The following GALNT18 variants were observed in gnomAD, a reference collection of about 807,000 sequenced individuals.
GALNT18 encodes GalNAc-transferase 18.
A neutral mutation model predicts 69.5 loss-of-function variants in GALNT18; 44 were observed. The ratio of observed to expected loss-of-function variants is 0.63; its 90% CI spans 0.50 to 0.81. The LOEUF is 0.81. GALNT18 is among the 40% of genes least tolerant of loss of function. The pLI is 0.00. For missense variants in GALNT18, 715 were observed against 810.0 expected, an observed-to-expected ratio of 0.88 and a Z score of 1.42; for synonymous variants, 364 against 318.2, an observed-to-expected ratio of 1.14 and a Z score of -1.53.
intron 7 of GALNT18, among the ~76,000 whole-genome samples, chr11:11,333,559 G>A (rs1397546011): frequency 3.3e-5 from 5 of 152,246 alleles, no homozygotes; most frequent in Non-Finnish European, 4.4e-5. Flanking sequence ...TGCTTTTAAC[G>A]TTACTCTACG....
rs149855824 is a variant in GALNT18, at chr11:11,347,158, G to C, written c.1093-6154C>G. On this transcript the variant is annotated intron_variant, in intron 6 of 10. Coordinates refer to ENST00000227756, the MANE Select transcript of GALNT18 (RefSeq NM_198516.3). The surrounding 1 kb of genome is among the most constrained non-coding windows in gnomAD (Gnocchi z 4.0). ...TCAATTTCCCCCAGCTGCCAAATGG[G>C]GGAGCTGGACTCAATGTTGTCTTAG... Among the ~76,000 whole-genome samples the C allele has an allele frequency of 2.6e-4, 40 of 152,232 alleles. No homozygotes were observed. Among genetic ancestry groups the C allele is most frequent in the African/African-American group, 9.2e-4 (38 of 41,526 alleles).
intron 10 of GALNT18, among the ~76,000 whole-genome samples, chr11:11,287,103 G>A (rs953288789): frequency 1.3e-5 from 2 of 152,100 alleles, no homozygotes; most frequent in African/African-American, 2.4e-5. Context: ...CCCCCTGCTG[G>A]TCCTCCCTCA....
At chr11:11,363,630 G>T (rs1331352404) in intron 6 of GALNT18, among the ~76,000 whole-genome samples, 1 of 152,152 alleles carries the variant, frequency 6.6e-6, no homozygotes, top group Non-Finnish European at 1.5e-5. Context: ...AAGTTTGAAT[G>T]AGAAAGATCA....
At chr11:11,567,259 T>C (rs901021349) in intron 1 of GALNT18, among the ~76,000 whole-genome samples, 18 of 152,178 alleles carry the variant, frequency 1.2e-4, no homozygotes, top group African/African-American at 4.3e-4. Flanking sequence ...CTTTTCCTAG[T>C]AACCTAGATC....
intron 8 of GALNT18, among the ~76,000 whole-genome samples, chr11:11,331,630 C>G (rs1435925201): frequency 6.6e-6 from 1 of 152,224 alleles, no homozygotes; most frequent in East Asian, 1.9e-4. Flanking sequence ...TGAGGGGACA[C>G]TCTCCAAAGG....
At position 11,619,401 on chromosome 11, in the gene GALNT18, T is replaced by G. The variant is rs1277921822; in HGVS notation, c.235+1958A>C. Among the ~76,000 whole-genome samples the G allele has an allele frequency of 6.6e-6, 1 of 152,176 alleles. No individual in the cohort carries two copies. The highest frequency in any genetic ancestry group is 1.5e-5 in the Non-Finnish European group (1 of 68,026). On this transcript the variant is annotated intron_variant, in intron 1 of 10. Coordinates refer to ENST00000227756, the MANE Select transcript of GALNT18 (RefSeq NM_198516.3). The surrounding 1 kb of genome is among the most constrained non-coding windows in gnomAD (Gnocchi z 4.9). ...TTCCGGGGAGAAAAATCACAATGCT[T>G]CCTTTCAACTTCAACATCATGCTTT...
At chr11:11,274,999 A>G (rs892683204) in intron 10 of GALNT18, among the ~76,000 whole-genome samples, 2 of 152,252 alleles carry the variant, frequency 1.3e-5, no homozygotes, top group Admixed American at 1.3e-4. Context: ...ATACTGCCAC[A>G]ATAAACATAC....
Position 11,527,021 on chromosome 11 carries a change from G to A in GALNT18, c.236-78085C>T, listed in dbSNP as rs188832211. On this transcript the variant is annotated intron_variant, in intron 1 of 10. Coordinates refer to ENST00000227756, the MANE Select transcript of GALNT18 (RefSeq NM_198516.3). ...TGAAGGAGCCCGACACAGGGAAGATGCTTTCTCATTTATAAATGCATTTCT... is the reference window on the plus strand; with the variant it reads ...TGAAGGAGCCCGACACAGGGAAGATACTTTCTCATTTATAAATGCATTTCT... 1.3e-3 allele frequency among the ~76,000 whole-genome samples: 202 copies of A among 152,242 alleles called. 1 individual carries two copies. Among genetic ancestry groups the A allele is most frequent in the African/African-American group, 4.7e-3 (196 of 41,552 alleles).
chr11:11,570,625 C>T (rs915126287), intron 1 of GALNT18, among the ~76,000 whole-genome samples: 3 of 152,230 alleles, frequency 2.0e-5, no homozygotes, highest in Non-Finnish European at 2.9e-5. Flanking sequence ...CACCCCAGCT[C>T]AGGAAGGATT....
intron 9 of GALNT18, among the ~76,000 whole-genome samples, chr11:11,293,544 T>TTC (rs1849345229): frequency 7.1e-6 from 1 of 141,832 alleles, no homozygotes; most frequent in Admixed American, 7.0e-5. Context: ...TTTTTTTTTT[T>TTC]TTTTTTTTTT....
chr11:11,273,846 G>A (rs914793882), intron 10 of GALNT18, among the ~76,000 whole-genome samples: 3 of 152,200 alleles, frequency 2.0e-5, no homozygotes, highest in African/African-American at 4.8e-5. Flanking sequence ...TACACAGGAT[G>A]GAATAATATT....
chr11:11,350,833 G>A (rs1357648285), intron 6 of GALNT18, among the ~76,000 whole-genome samples: 1 of 152,170 alleles, frequency 6.6e-6, no homozygotes, highest in Non-Finnish European at 1.5e-5. Context: ...GAGTCCCCAA[G>A]TCACTACTTG....
chr11:11,501,035 A>G (rs55820428), intron 1 of GALNT18, among the ~76,000 whole-genome samples: 26,143 of 152,212 alleles, frequency 0.17, 2,635 homozygotes, highest in African/African-American at 0.26. Flanking sequence ...GAGACAGCCA[A>G]GCCTGGGCAG....
At chr11:11,488,925 G>A (rs1856700588) in intron 1 of GALNT18, among the ~76,000 whole-genome samples, 1 of 152,184 alleles carries the variant, frequency 6.6e-6, no homozygotes, top group Non-Finnish European at 1.5e-5. Flanking sequence ...TAGACCCCAA[G>A]GCCCAAACAT....
chr11:11,564,818 T>C lies in GALNT18; in HGVS notation c.235+56541A>G, dbSNP rs1304638813. On this transcript the variant is annotated intron_variant, in intron 1 of 10. Transcript: ENST00000227756. This position sits in a 1 kb window ranked among gnomAD's most constrained non-coding sequence, Gnocchi z 4.3. ...TTTAAATTAAATATGTTAATTACAA[T>C]TAAATAAGTCAAACTAGCTACATTT... Among the ~76,000 whole-genome samples the C allele has an allele frequency of 2.0e-5, 3 of 152,156 alleles. No homozygotes were observed. Among genetic ancestry groups the C allele is most frequent in the Non-Finnish European group, 4.4e-5 (3 of 68,034 alleles).
chr11:11,568,659 C>G (rs1412423790), intron 1 of GALNT18, among the ~76,000 whole-genome samples: 1 of 152,130 alleles, frequency 6.6e-6, no homozygotes, highest in Non-Finnish European at 1.5e-5. Flanking sequence ...GGAGAGGGCA[C>G]TGGACTAGGA....
rs1031393402 is a variant in GALNT18 at position 11,542,243 on chromosome 11, A to G, written c.235+79116T>C. Among the ~76,000 whole-genome samples, 1 of 152,160 alleles carries G rather than the reference A, an allele frequency of 6.6e-6. No homozygotes were observed. The highest frequency in any genetic ancestry group is 2.4e-5 in the African/African-American group (1 of 41,428). ...AACAAAACTGTGGGAACAGCCTGTCATCTCACTCAGAGCTCCCCTCCTTGT... is the reference window on the plus strand; with the variant it reads ...AACAAAACTGTGGGAACAGCCTGTCGTCTCACTCAGAGCTCCCCTCCTTGT... On this transcript the variant is annotated intron_variant, in intron 1 of 10. Transcript: ENST00000227756. The surrounding 1 kb of genome is among the most constrained non-coding windows in gnomAD (Gnocchi z 4.3).
chr11:11,285,413 C>T (rs930761899), intron 10 of GALNT18, among the ~76,000 whole-genome samples: 1 of 152,114 alleles, frequency 6.6e-6, no homozygotes, highest in Non-Finnish European at 1.5e-5. Context: ...ACATAGTAAA[C>T]ACCATATAAA....
At chr11:11,472,004 CAGA>C (rs1035332165) in intron 1 of GALNT18, among the ~76,000 whole-genome samples, 1 of 152,210 alleles carries the variant, frequency 6.6e-6, no homozygotes, top group African/African-American at 2.4e-5. Context: ...CCAGGCTCAG[CAGA>C]AAGCCACTTG....
Sources: allele counts gnomAD v4.1 joint callset (sites outside exome capture counted in the v4.1 genomes callset), GRCh38; gene constraint gnomAD v4.1.1; non-coding constraint Gnocchi (gnomAD v3.1); transcripts MANE v1.5; gene names NCBI Gene and HGNC (gene_info 2026-07-23, HGNC 2026-07-21).